The following VAV2 variants were observed in gnomAD, a reference collection of about 807,000 sequenced individuals.
VAV2 encodes vav guanine nucleotide exchange factor 2, also known as guanine nucleotide exchange factor VAV2.
In VAV2, 67 loss-of-function variants were observed where a neutral mutation model predicts 132.5. The observed-to-expected ratio is 0.51, with a 90% CI of 0.42 to 0.62. The LOEUF is 0.62. Ranked by LOEUF, VAV2 falls within the 20% of genes least tolerant of loss-of-function variation. The probability of loss-of-function intolerance (pLI) is 0.00; values close to 1 mark genes in which losing one functional copy is unlikely to be tolerated. For missense variants in VAV2, 938 were observed against 1,153.6 expected, an observed-to-expected ratio of 0.81 and a Z score of 2.71; for synonymous variants, 492 against 443.5, an observed-to-expected ratio of 1.11 and a Z score of -1.37.
In VAV2 at chr9:133,831,457, T is replaced by A. The variant is rs569576025; in HGVS notation, c.449+2815A>T. Among the ~76,000 whole-genome samples, 999 of 143,874 alleles carry A rather than the reference T, an allele frequency of 6.9e-3. 5 individuals are homozygous for A. Among genetic ancestry groups the A allele is most frequent in the Middle Eastern group, 0.025 (7 of 276 alleles). The allele number at this position is 143,874 out of a possible 152,430, so 94.4% of individuals were successfully genotyped here. On this transcript the variant is annotated intron_variant, in intron 4 of 29. Coordinates refer to ENST00000371850, the MANE Select transcript of VAV2 (RefSeq NM_001134398.2). ...ATCTCAAAAAAAGAAAAAAAAAAAA[T>A]GAAAAAGAAAATGGGCAACCTGGGA...
intron 1 of VAV2, among the ~76,000 whole-genome samples, chr9:133,983,021 A>C (rs533874770): frequency 2.8e-4 from 43 of 152,350 alleles, no homozygotes; most frequent in African/African-American, 1.0e-3. Flanking sequence ...CACCTGCTCT[A>C]GGAGAGAGAC....
rs926736810 is a variant in VAV2, at chr9:133,823,223, C to T, written c.450-11007G>A. On this transcript the variant is annotated intron_variant, in intron 4 of 29. Coordinates refer to ENST00000371850, the MANE Select transcript of VAV2 (RefSeq NM_001134398.2). This position sits in a 1 kb window ranked among gnomAD's most constrained non-coding sequence, Gnocchi z 5.5. ...TCCTTTATGAATGACCCTTATGGAGCGTTTATCTCAGCAGTGAGAAACAGA... is the reference window on the plus strand; with the variant it reads ...TCCTTTATGAATGACCCTTATGGAGTGTTTATCTCAGCAGTGAGAAACAGA... Among the ~76,000 whole-genome samples, 6 of 152,178 alleles carry T rather than the reference C, an allele frequency of 3.9e-5. No homozygotes were observed. The highest frequency in any genetic ancestry group is 1.2e-4 in the African/African-American group (5 of 41,440).
intron 4 of VAV2, among the ~76,000 whole-genome samples, chr9:133,828,924 T>C (rs1005948246): frequency 6.6e-5 from 10 of 152,142 alleles, no homozygotes; most frequent in Non-Finnish European, 1.2e-4. Context: ...AGCTGTCACC[T>C]CTTCTGAGGA....
intron 1 of VAV2, among the ~76,000 whole-genome samples, chr9:133,964,486 C>G (rs977706415): frequency 1.3e-5 from 2 of 151,926 alleles, no homozygotes; most frequent in East Asian, 1.9e-4. Flanking sequence ...TAATGGATGT[C>G]ATATATGTAT....
rs544717152 is a variant in VAV2 at position 133,874,280 on chromosome 9, G to A, written c.322-12848C>T. Among the ~76,000 whole-genome samples, 14 of 152,360 alleles carry A rather than the reference G, an allele frequency of 9.2e-5. No individual in the cohort carries two copies. In the East Asian group the frequency reaches 1.4e-3, roughly 15 times the overall value. On this transcript the variant is annotated intron_variant, in intron 2 of 29. Transcript: ENST00000371850. ...GCAGGCTGGGCCACTCACTGTCTGCGAATGCTGCTCTCTCATTCCCAGAGA... is the reference window on the plus strand; with the variant it reads ...GCAGGCTGGGCCACTCACTGTCTGCAAATGCTGCTCTCTCATTCCCAGAGA...
chr9:133,899,708 C>T (rs1296376367), intron 2 of VAV2, among the ~76,000 whole-genome samples: 2 of 146,684 alleles, frequency 1.4e-5, no homozygotes, highest in East Asian at 2.2e-4. Context: ...CCATGCCTGG[C>T]CTCTACCAAA....
chr9:133,872,382 T>C (rs970128946), intron 2 of VAV2, among the ~76,000 whole-genome samples: 9 of 152,216 alleles, frequency 5.9e-5, no homozygotes, highest in African/African-American at 1.7e-4. Flanking sequence ...TTCTCTGCCA[T>C]GGTGTGGCCA....
At chr9:133,958,632 C>T (rs565284712) in intron 1 of VAV2, among the ~76,000 whole-genome samples, 3 of 151,516 alleles carry the variant, frequency 2.0e-5, no homozygotes, top group African/African-American at 7.2e-5. Context: ...TTCCCCGGGC[C>T]CCCTTATTTC....
rs375246810 is a variant in VAV2 at position 133,933,531 on chromosome 9, A to G, written c.321+5572T>C. Among the ~76,000 whole-genome samples, 7 of 143,004 alleles carry G rather than the reference A, an allele frequency of 4.9e-5. No homozygotes were observed. The East Asian group carries it at 1.5e-3, about 31-fold the overall frequency. 93.8% of individuals were successfully genotyped at this position (143,004 alleles called of 152,430 possible). A position where few individuals can be genotyped will look rare whatever the true frequency, so the allele number is the denominator to read the frequency against. ...GAATGGATGGATGAATGATGGACGA[A>G]TGGATGAGTGGATGGATGGATGGAT... On this transcript the variant is annotated intron_variant, in intron 2 of 29. Coordinates refer to ENST00000371850, the MANE Select transcript of VAV2 (RefSeq NM_001134398.2).
chr9:133,848,487 A>G (rs1466004779), intron 3 of VAV2, among the ~76,000 whole-genome samples: 2 of 152,158 alleles, frequency 1.3e-5, no homozygotes, highest in African/African-American at 4.8e-5. Context: ...TGAGTGTTCA[A>G]AGTAATTACA....
At chr9:133,836,493 T>C (rs1023024193) in intron 3 of VAV2, among the ~76,000 whole-genome samples, 3 of 152,250 alleles carry the variant, frequency 2.0e-5, no homozygotes, top group Non-Finnish European at 4.4e-5. Flanking sequence ...ATTCTCATTA[T>C]GAAAATGTGT....
At chr9:133,848,038 GA>G (rs945523672) in intron 3 of VAV2, among the ~76,000 whole-genome samples, 22 of 152,168 alleles carry the variant, frequency 1.4e-4, no homozygotes, top group Non-Finnish European at 2.9e-4. Context: ...AGCACTTTGG[GA>G]GGCCGAGACG....
intron 2 of VAV2, among the ~76,000 whole-genome samples, chr9:133,927,074 C>A (rs550176858): frequency 1.3e-4 from 20 of 151,264 alleles, no homozygotes; most frequent in Non-Finnish European, 2.5e-4. Flanking sequence ...CTGAGTCCCC[C>A]CCTACACATG....
chr9:133,907,349 G>A (rs1263423844), intron 2 of VAV2, among the ~76,000 whole-genome samples: 1 of 152,164 alleles, frequency 6.6e-6, no homozygotes, highest in African/African-American at 2.4e-5. Flanking sequence ...GCCCCTCCCG[G>A]ATGCCGGTCA....
chr9:133,809,589 T>C (rs1835284000), intron 6 of VAV2, among the ~76,000 whole-genome samples: 1 of 152,178 alleles, frequency 6.6e-6, no homozygotes, highest in South Asian at 2.1e-4. Flanking sequence ...ACATCCACCA[T>C]TGCACATGTC....
intron 1 of VAV2, among the ~76,000 whole-genome samples, chr9:133,955,052 C>T (rs1221048873): frequency 6.6e-6 from 1 of 152,000 alleles, no homozygotes; most frequent in Admixed American, 6.5e-5. Context: ...CTCCGGCTAC[C>T]CCACAGACAC....
intron 1 of VAV2, among the ~76,000 whole-genome samples, chr9:133,978,479 G>A (rs1052604820): frequency 2.6e-5 from 4 of 152,274 alleles, no homozygotes; most frequent in African/African-American, 9.6e-5. Flanking sequence ...AGCACCTGGC[G>A]GGTCACGGAA....
At position 133,948,747 on chromosome 9, in the gene VAV2, C is replaced by T. The variant is rs74566500; in HGVS notation, c.205-9528G>A. 3.5e-3 allele frequency among the ~76,000 whole-genome samples: 539 copies of T among 152,364 alleles called. 3 individuals carry two copies. Among genetic ancestry groups the T allele is most frequent in the African/African-American group, 0.013 (523 of 41,578 alleles). Reference sequence around the variant, plus strand: ...ACTTTCTCCCATAACAAACAGCGCCCGCTGAGTCCGTGCCTGGCGCAGCAC... The same window carrying T: ...ACTTTCTCCCATAACAAACAGCGCCTGCTGAGTCCGTGCCTGGCGCAGCAC... On this transcript the variant is annotated intron_variant, in intron 1 of 29. Transcript: ENST00000371850.
intron 4 of VAV2, among the ~76,000 whole-genome samples, chr9:133,819,975 A>C (rs1835720807): frequency 6.6e-6 from 1 of 152,252 alleles, no homozygotes; most frequent in South Asian, 2.1e-4. Flanking sequence ...AGTAATTAAG[A>C]TAAAAACCTA....
Sources: gnomAD v4.1 joint callset for allele counts (sites outside exome capture counted in the v4.1 genomes callset) on GRCh38, gnomAD v4.1.1 for gene constraint, Gnocchi (gnomAD v3.1) non-coding constraint, MANE v1.5 for transcripts, NCBI Gene and HGNC (gene_info 2026-07-23, HGNC 2026-07-21) for gene names.